The following PTPRT variants were observed in gnomAD, a reference collection of about 807,000 sequenced individuals.
PTPRT encodes the protein receptor-type tyrosine-protein phosphatase T.
In PTPRT, 56 loss-of-function variants were observed where a neutral mutation model predicts 176.8. The observed-to-expected ratio is 0.32, with a 90% confidence interval of 0.26 to 0.40. The LOEUF (loss-of-function observed/expected upper bound fraction) is 0.40. Among genes scored for constraint, PTPRT ranks in the 10% least tolerant of loss-of-function variants. PTPRT has a pLI of 1.00. For synonymous variants in PTPRT, 783 were observed against 739.0 expected (o/e 1.06, Z -0.96); for missense variants, 1,540 against 1,908.2 (o/e 0.81, Z 3.60).
intron 7 of PTPRT, among the ~76,000 whole-genome samples, chr20:42,663,079 G>A (rs1336374203): frequency 6.6e-6 from 1 of 151,706 alleles, no homozygotes; most frequent in Non-Finnish European, 1.5e-5. Flanking sequence ...TATACCCAAG[G>A]GCAGATAGGT....
At chr20:42,169,793 A>AC (rs1600625576) in intron 16 of PTPRT, among the ~76,000 whole-genome samples, 1,663 of 67,112 alleles carry the variant, frequency 0.025, 35 homozygotes, top group Middle Eastern at 0.046. Flanking sequence ...CACACACACA[A>AC]CAGTCAGTAT....
intron 15 of PTPRT, among the ~76,000 whole-genome samples, chr20:42,204,515 TC>T (rs2055402936): frequency 6.6e-6 from 1 of 152,248 alleles, no homozygotes; most frequent in African/African-American, 2.4e-5. Context: ...GTCTGTTTAT[TC>T]CTTTGCAGGA....
At chr20:42,980,150 T>C (rs949156536) in intron 1 of PTPRT, among the ~76,000 whole-genome samples, 3 of 152,116 alleles carry the variant, frequency 2.0e-5, no homozygotes, top group Non-Finnish European at 4.4e-5. Flanking sequence ...GTCATTTAAA[T>C]GAATACATTT....
At position 42,399,782 on chromosome 20, in the gene PTPRT, C is replaced by T. The variant is rs534577240; in HGVS notation, c.1561-47497G>A. On this transcript the variant is annotated intron_variant, in intron 9 of 30. Coordinates refer to ENST00000373187, the MANE Select transcript of PTPRT (RefSeq NM_007050.6). The stretch of plus-strand genomic sequence containing the variant: ...GAGATATATTTACTGACTCATCTTG[C>T]ACAAGTACTACAACAATGTGGGTTA... Among the ~76,000 whole-genome samples the T allele has an allele frequency of 2.6e-5, 4 of 152,320 alleles. No homozygotes were observed. In the East Asian group the frequency reaches 5.8e-4, roughly 22 times the overall value.
intron 7 of PTPRT, among the ~76,000 whole-genome samples, chr20:42,609,294 G>T (rs568087224): frequency 1.3e-4 from 20 of 151,988 alleles, no homozygotes; most frequent in African/African-American, 3.4e-4. Flanking sequence ...GGCTGGTCTC[G>T]AACTCCTGAC....
chr20:43,002,345 C>G (rs1201690054), intron 1 of PTPRT, among the ~76,000 whole-genome samples: 2 of 145,266 alleles, frequency 1.4e-5, no homozygotes, highest in African/African-American at 5.0e-5. Context: ...AGTGACTAAT[C>G]AGAAAGATAA....
chr20:42,168,669 T>C (rs1165420289), intron 16 of PTPRT, among the ~76,000 whole-genome samples: 2 of 152,222 alleles, frequency 1.3e-5, no homozygotes, highest in Non-Finnish European at 2.9e-5. Context: ...AATCTCTCAA[T>C]TGATTCAACC....
intron 21 of PTPRT, among the ~76,000 whole-genome samples, chr20:42,116,791 C>G (rs952695070): frequency 2.6e-5 from 4 of 152,176 alleles, no homozygotes; most frequent in African/African-American, 4.8e-5. Flanking sequence ...GCACCTGGCA[C>G]AGTGTTTGGC....
intron 6 of PTPRT, among the ~76,000 whole-genome samples, chr20:42,696,462 T>TTTTA (rs2075879632): frequency 6.6e-6 from 1 of 150,464 alleles, no homozygotes; most frequent in African/African-American, 2.5e-5. Context: ...TGAATTATTT[T>TTTTA]TTTTTTTTTT....
chr20:42,224,083 GC>G (rs2055948710), intron 15 of PTPRT, among the ~76,000 whole-genome samples: 1 of 152,114 alleles, frequency 6.6e-6, no homozygotes, highest in Non-Finnish European at 1.5e-5. Flanking sequence ...GTGGTTCAAA[GC>G]CCTTAGAATA....
chr20:42,542,245 T>A (rs2072596372), intron 7 of PTPRT, among the ~76,000 whole-genome samples: 1 of 152,152 alleles, frequency 6.6e-6, no homozygotes, highest in Non-Finnish European at 1.5e-5. Context: ...ACAGACTAAT[T>A]AATATACTAT....
At chr20:42,570,159 G>T (rs1341907693) in intron 7 of PTPRT, among the ~76,000 whole-genome samples, 1 of 152,152 alleles carries the variant, frequency 6.6e-6, no homozygotes, top group Non-Finnish European at 1.5e-5. Context: ...TGTGTCGTCA[G>T]TGTCTGGGGC....
intron 9 of PTPRT, among the ~76,000 whole-genome samples, chr20:42,379,353 A>G (rs2058678933): frequency 6.6e-6 from 1 of 152,256 alleles, no homozygotes; most frequent in South Asian, 2.1e-4. Context: ...CCCTGCAGCA[A>G]TAGAGAAATC....
intron 2 of PTPRT, among the ~76,000 whole-genome samples, chr20:42,810,980 A>G (rs145426209): frequency 3.3e-5 from 5 of 152,374 alleles, no homozygotes; most frequent in African/African-American, 1.2e-4. Context: ...TTTAAATTTT[A>G]ATAAATTAAA....
rs2146311874 is a variant in PTPRT, at chr20:42,115,269, T to A, written c.3029A>T (p.Asp1010Val). 1 of 1,614,208 alleles carries A rather than the reference T, an allele frequency of 6.2e-7. No homozygotes were observed. Among genetic ancestry groups the A allele is most frequent in the Non-Finnish European group, 8.5e-7 (1 of 1,180,022 alleles). The change falls in exon 22 of 31, where the codon GAC (aspartate) becomes GTC (valine). Residue 1010 changes from aspartate to valine, a missense_variant. Transcript: ENST00000373187. Reference protein sequence around the residue: ...YWPDDTEVYGDIKVTLIETEP... With the variant: ...YWPDDTEVYGVIKVTLIETEP... ...TGTTTCAATCAGGGTGACTTTAATG[T>A]CTCCGTAGACCTCCGTGTCATCTGG...
In PTPRT at chr20:42,777,590, G is replaced by A. The variant is rs568892173; in HGVS notation, c.568+2628C>T. Among the ~76,000 whole-genome samples, 19 of 152,208 alleles carry A rather than the reference G, an allele frequency of 1.2e-4. 1 individual carries two copies. The South Asian group carries it at 3.7e-3, about 30-fold the overall frequency. On this transcript the variant is annotated intron_variant, in intron 4 of 30. Coordinates refer to ENST00000373187, the MANE Select transcript of PTPRT (RefSeq NM_007050.6). ...CTGATTTAGTGCCTTTCTTTCCACT[G>A]GCTCTTCTGCTAATCAAACACCATG... is the stretch of plus-strand genomic sequence containing the variant.
At chr20:42,185,006 C>T (rs941252734) in intron 16 of PTPRT, among the ~76,000 whole-genome samples, 4 of 152,024 alleles carry the variant, frequency 2.6e-5, no homozygotes, top group African/African-American at 9.7e-5. Context: ...ATCAACTCAT[C>T]GTGGCTTCCT....
chr20:42,564,192 T>A (rs1207887269), intron 7 of PTPRT, among the ~76,000 whole-genome samples: 1 of 152,200 alleles, frequency 6.6e-6, no homozygotes, highest in Non-Finnish European at 1.5e-5. Flanking sequence ...CTAGTCTCCT[T>A]CACAGAAAGA....
chr20:42,548,342 G>C (rs1464340571), intron 7 of PTPRT, among the ~76,000 whole-genome samples: 1 of 151,990 alleles, frequency 6.6e-6, no homozygotes, highest in Non-Finnish European at 1.5e-5. Context: ...TGAATAATGA[G>C]CTCTGAGAAA....
Sources: gnomAD v4.1 joint callset for allele counts (sites outside exome capture counted in the v4.1 genomes callset) on GRCh38, gnomAD v4.1.1 for gene constraint, MANE v1.5 for transcripts, NCBI Gene and HGNC (gene_info 2026-07-23, HGNC 2026-07-21) for gene names.